Variants in SUMF1 observed in about 807,000 individuals in gnomAD.
SUMF1 encodes the protein sulfatase modifying factor 1.
In SUMF1, 48 loss-of-function variants were observed where a neutral mutation model predicts 47.6. The observed-to-expected ratio is 1.01, with a 90% CI of 0.80 to 1.28. SUMF1 has a LOEUF of 1.28. Ranked by LOEUF, SUMF1 falls within the 50% of genes most tolerant of loss-of-function variation. SUMF1 has a pLI of 0.00. For synonymous variants in SUMF1, 230 were observed against 192.1 expected, an observed-to-expected ratio of 1.20 and a Z score of -1.63; for missense variants, 571 against 485.4, an observed-to-expected ratio of 1.18 and a Z score of -1.66.
chr3:4,233,252 T>A (rs891532358), intron 8 of SUMF1, among the ~76,000 whole-genome samples: 2 of 152,160 alleles, frequency 1.3e-5, no homozygotes, highest in African/African-American at 2.4e-5. Context: ...GATGTCATTA[T>A]GGCCTAGCAG....
At chr3:4,344,099 C>A (rs1034883274) in intron 8 of SUMF1, among the ~76,000 whole-genome samples, 1 of 152,220 alleles carries the variant, frequency 6.6e-6, no homozygotes, top group Non-Finnish European at 1.5e-5. Context: ...GAAGCAGCAG[C>A]ATTCTGAGGC....
At chr3:4,089,791 T>C (rs925292707) in intron 8 of SUMF1, among the ~76,000 whole-genome samples, 3 of 152,184 alleles carry the variant, frequency 2.0e-5, no homozygotes, top group African/African-American at 7.2e-5. Context: ...GATCACATCA[T>C]ATTTTTGTAG....
chr3:4,437,113 C>G (rs2125089154), intron 3 of SUMF1, among the ~76,000 whole-genome samples: 1 of 152,170 alleles, frequency 6.6e-6, no homozygotes, highest in Middle Eastern at 3.4e-3. Flanking sequence ...GACAGAATCC[C>G]TGAGACGCAG....
At chr3:4,119,299 T>A (rs17039961) in intron 8 of SUMF1, among the ~76,000 whole-genome samples, 12,161 of 152,192 alleles carry the variant, frequency 0.08, 1,240 homozygotes, top group African/African-American at 0.21. Context: ...ATATTCCTTA[T>A]AGCCACATCT....
In SUMF1 at chr3:4,130,876, T is replaced by C. The variant is rs55833660; in HGVS notation, c.1015-62131A>G. 4.2e-3 allele frequency among the ~76,000 whole-genome samples: 640 copies of C among 152,118 alleles called. 8 individuals are homozygous for C. The highest frequency in any genetic ancestry group is 0.015 in the African/African-American group (608 of 41,470). ...AGGCTCTACAACAGGTCCAGGCTGG[T>C]TTGCAAGCTGCTCTGCCACTTGGGC... On this transcript the variant is annotated intron_variant and NMD_transcript_variant, in intron 8 of 12. Transcript: ENST00000448413.
chr3:4,422,966 G>T (rs566084211), intron 3 of SUMF1, among the ~76,000 whole-genome samples: 1 of 151,980 alleles, frequency 6.6e-6, no homozygotes, highest in East Asian at 1.9e-4. Context: ...CCCAAAGTCC[G>T]TTGTGCCATT....
At chr3:4,264,898 C>A (rs1295971022) in intron 8 of SUMF1, among the ~76,000 whole-genome samples, 1 of 152,126 alleles carries the variant, frequency 6.6e-6, no homozygotes, top group Non-Finnish European at 1.5e-5. Flanking sequence ...CTTTGGCAGG[C>A]CAAGGCAGGT....
At chr3:4,320,608 C>T (rs879300490) in intron 8 of SUMF1, among the ~76,000 whole-genome samples, 2 of 152,070 alleles carry the variant, frequency 1.3e-5, no homozygotes, top group Non-Finnish European at 2.9e-5. Flanking sequence ...GCATGGTGAA[C>T]AAAGATTGTC....
intron 8 of SUMF1, among the ~76,000 whole-genome samples, chr3:4,244,335 G>A (rs1169949948): frequency 6.6e-6 from 1 of 152,160 alleles, no homozygotes; most frequent in Non-Finnish European, 1.5e-5. Context: ...GTTAATTGAT[G>A]CAGTTTCTTC....
chr3:4,221,295 T>G (rs2125174259), intron 8 of SUMF1, among the ~76,000 whole-genome samples: 1 of 152,256 alleles, frequency 6.6e-6, no homozygotes, highest in African/African-American at 2.4e-5. Flanking sequence ...TAGAGACATG[T>G]GGACACTGAT....
chr3:4,366,502 T>C (rs1232760642), intron 8 of SUMF1, among the ~76,000 whole-genome samples: 1 of 151,222 alleles, frequency 6.6e-6, no homozygotes, highest in Admixed American at 6.6e-5. Flanking sequence ...TTCCAGTTGA[T>C]TGCATCGACT....
chr3:4,117,343 G>T (rs901895495), intron 8 of SUMF1, among the ~76,000 whole-genome samples: 2 of 151,722 alleles, frequency 1.3e-5, no homozygotes, highest in African/African-American at 2.4e-5. Flanking sequence ...TACAACAAGT[G>T]TAAAGGAAAA....
intron 7 of SUMF1, among the ~76,000 whole-genome samples, chr3:4,405,973 G>T (rs1333714581): frequency 6.6e-6 from 1 of 152,118 alleles, no homozygotes; most frequent in Non-Finnish European, 1.5e-5. Flanking sequence ...AGGGTAAGAG[G>T]AATATCAGCA....
At chr3:4,311,138 C>A (rs1405457702) in intron 8 of SUMF1, among the ~76,000 whole-genome samples, 1 of 152,170 alleles carries the variant, frequency 6.6e-6, no homozygotes, top group African/African-American at 2.4e-5. Context: ...TAGCCTTCTC[C>A]CACAGGTCCT....
intron 8 of SUMF1, among the ~76,000 whole-genome samples, chr3:4,118,562 T>G (rs1445050408): frequency 6.6e-6 from 1 of 152,142 alleles, no homozygotes; most frequent in Non-Finnish European, 1.5e-5. Context: ...ACAAAGTAGT[T>G]TTCAAGTACT....
At chr3:4,090,977 A>G (rs1346442061) in intron 8 of SUMF1, among the ~76,000 whole-genome samples, 2 of 151,834 alleles carry the variant, frequency 1.3e-5, no homozygotes, top group East Asian at 3.9e-4. Flanking sequence ...GCTACTTGGG[A>G]GGCTGAGGCA....
intron 8 of SUMF1, among the ~76,000 whole-genome samples, chr3:4,176,446 T>C (rs1053563667): frequency 2.0e-5 from 3 of 152,122 alleles, no homozygotes; most frequent in Admixed American, 6.5e-5. Flanking sequence ...CTAAGCTTCA[T>C]AATTGAAGGA....
intron 3 of SUMF1, among the ~76,000 whole-genome samples, chr3:4,423,596 G>T (rs937733589): frequency 1.3e-5 from 2 of 152,186 alleles, no homozygotes; most frequent in African/African-American, 4.8e-5. Flanking sequence ...AATCCTCAGA[G>T]TATGACTGAA....
intron 8 of SUMF1, among the ~76,000 whole-genome samples, chr3:4,099,778 T>A (rs1326586286): frequency 6.6e-6 from 1 of 151,400 alleles, no homozygotes; most frequent in African/African-American, 2.4e-5. Context: ...AAAACCAACA[T>A]GCAAAAATCA....
Sources: allele counts gnomAD v4.1 joint callset (sites outside exome capture counted in the v4.1 genomes callset), GRCh38; gene constraint gnomAD v4.1.1; transcripts MANE v1.5; gene names NCBI Gene and HGNC (gene_info 2026-07-23, HGNC 2026-07-21).